CUL9: variants seen among roughly 807,000 people sequenced by gnomAD.
The protein encoded by CUL9 is cullin 9.
Under a neutral mutation model 272.6 loss-of-function variants are expected in CUL9, and 79 were observed. The observed-to-expected ratio is 0.29, with a 90% CI of 0.24 to 0.35. CUL9 has a LOEUF of 0.35. CUL9 is among the 10% of genes least tolerant of loss of function. CUL9 has a pLI of 1.00. For missense variants in CUL9, 2,532 were observed against 3,255.6 expected (o/e 0.78, Z 5.41); for synonymous variants, 1,186 against 1,286.5 (o/e 0.92, Z 1.67).
chr6:43,196,719 A>G lies in CUL9; in HGVS notation c.2660A>G (p.Gln887Arg). The G allele has an allele frequency of 6.2e-7, 1 of 1,614,216 alleles. No homozygotes were observed. The highest frequency in any genetic ancestry group is 8.5e-7 in the Non-Finnish European group (1 of 1,180,028). ...LLCNHHTLGD[Q>R]IITQELRDTL... ...TGCAACCACCACACTCTGGGAGACC[A>G]GATTATAACCCAAGAGCTGAGAGAC... is the stretch of plus-strand genomic sequence containing the variant. The change falls in exon 11 of 41, where the codon CAG (glutamine) becomes CGG (arginine). Residue 887 changes from glutamine (Q) to arginine (R), a missense_variant. Physicochemically the swap from Gln to Arg is conservative, Grantham distance 43 (BLOSUM62 1). Transcript: ENST00000252050.
At chr6:43,192,936 C>T in intron 8 of CUL9, 65 bp from the exon 9 acceptor site, 2 of 1,448,104 alleles carry the variant, frequency 1.4e-6, no homozygotes, top group South Asian at 1.2e-5. Context: ...TCCGACGGTG[C>T]CATGGCTGGG....
At chr6:43,215,424 T>A in intron 30 of CUL9, 98 bp downstream of exon 30, 4 of 1,465,064 alleles carry the variant, frequency 2.7e-6, no homozygotes, top group Non-Finnish European at 3.6e-6. Context: ...TTTCTTTGTC[T>A]GATCCCCTTT....
In CUL9 at chr6:43,221,824, G is replaced by A; in HGVS notation, c.6846+46G>A. ...GGAGGGCAGAGGCCCAGAGCCGTCG[G>A]GGAGGGGTGCTGCTACCAGGTCCTG... On this transcript the variant is annotated intron_variant, in intron 35 of 40. Transcript: ENST00000252050. The surrounding 1 kb of genome is among the most constrained non-coding windows in gnomAD (Gnocchi z 4.2). 6.5e-7 allele frequency: 1 copy of A among 1,544,932 alleles called. No homozygotes were observed. The highest frequency in any genetic ancestry group is 1.1e-5 in the South Asian group (1 of 88,880).
chr6:43,212,323 C>T (rs1775577488), intron 26 of CUL9, among the ~76,000 whole-genome samples: 1 of 152,194 alleles, frequency 6.6e-6, no homozygotes. Flanking sequence ...ATCAGCTTTT[C>T]ACCAGGCAGG....
chr6:43,224,071 C>T lies in CUL9; in HGVS notation c.7285-24C>T, dbSNP rs766137378. ...GGCCCCATGCCCTCTACCTCCTTCT[C>T]AAATCCTTCTGTCTGCTCACCAGGA... On this transcript the variant is annotated intron_variant, in intron 39 of 40. Transcript: ENST00000252050. The surrounding 1 kb of genome is among the most constrained non-coding windows in gnomAD (Gnocchi z 4.2). The T allele has an allele frequency of 6.8e-6, 11 of 1,612,990 alleles. No individual in the cohort carries two copies. In the East Asian group the frequency reaches 2.2e-4, roughly 33 times the overall value.
chr6:43,205,445 T>C, intron 24 of CUL9, 22 bp downstream of exon 24: 18 of 1,607,078 alleles, frequency 1.1e-5, no homozygotes, highest in African/African-American at 2.7e-5. Flanking sequence ...TCTGGAGGCA[T>C]AGGGGATGGG....
chr6:43,188,011 A>G lies in CUL9; in HGVS notation c.1880A>G (p.Lys627Arg). The G allele has an allele frequency of 6.2e-7, 1 of 1,613,932 alleles. No homozygotes were observed. Among genetic ancestry groups the G allele is most frequent in the African/African-American group, 1.3e-5 (1 of 75,016 alleles). The change falls in exon 7 of 41, where the codon AAG becomes AGG. Residue 627 changes from lysine to arginine, a missense_variant. Coordinates refer to ENST00000252050, the MANE Select transcript of CUL9 (RefSeq NM_015089.4). ...CCTAAGACAGAGGCCGAGCCCACCA[A>G]GACAAGGACCGAGACCCCCATGGCA... ...EAPKTEAEPT[K>R]TRTETPMAQS...
chr6:43,196,873 G>A lies in CUL9; in HGVS notation c.2803+11G>A, dbSNP rs1296241524. 3.1e-6 allele frequency: 5 copies of A among 1,611,284 alleles called. No homozygotes were observed. The highest frequency in any genetic ancestry group is 1.3e-5 in the African/African-American group (1 of 74,986). ...GCCCTGAGCGTGCAGGTACCATTGT[G>A]GAGGGGTGGTTTTGCAGAGGAATCA... On this transcript the variant is annotated intron_variant, in intron 11 of 40. Transcript: ENST00000252050.
chr6:43,190,184 A>T (rs1373413594), intron 8 of CUL9, among the ~76,000 whole-genome samples: 1 of 152,038 alleles, frequency 6.6e-6, no homozygotes, highest in Admixed American at 6.6e-5. Context: ...GCCAACACTG[A>T]ATATTGTCGT....
At chr6:43,205,149 C>T (rs779551874) in intron 23 of CUL9, 34 bp downstream of exon 23, 4 of 1,574,152 alleles carry the variant, frequency 2.5e-6, no homozygotes, top group Admixed American at 3.5e-5. Context: ...GGGCTATAAG[C>T]TTGTGTTCCA....
Position 43,220,349 on chromosome 6 carries a change from C to T in CUL9, c.6283-110C>T, listed in dbSNP as rs1312290436. The T allele has an allele frequency of 7.8e-6, 10 of 1,287,470 alleles. No homozygotes were observed. Among genetic ancestry groups the T allele is most frequent in the Admixed American group, 4.0e-5 (2 of 50,498 alleles). The allele number at this position is 1,287,470 out of a possible 1,614,324, so 79.8% of individuals were successfully genotyped here. A position where few individuals can be genotyped will look rare whatever the true frequency, so the allele number is the denominator to read the frequency against. ...AGGCAGGCTTGTTTCTGGCCTTCCA[C>T]GTTGTAGTGGAGGGGAAGGGAAGGA... On this transcript the variant is annotated intron_variant, in intron 31 of 40. Coordinates refer to ENST00000252050, the MANE Select transcript of CUL9 (RefSeq NM_015089.4). The surrounding 1 kb of genome is among the most constrained non-coding windows in gnomAD (Gnocchi z 4.9).
At chr6:43,193,510 A>G (rs761036092) in intron 9 of CUL9, among the ~76,000 whole-genome samples, 4 of 152,168 alleles carry the variant, frequency 2.6e-5, no homozygotes, top group Non-Finnish European at 5.9e-5. Context: ...CTGAGATTAC[A>G]GGCATAAGCC....
chr6:43,213,824 A>C lies in CUL9; in HGVS notation c.5600A>C (p.Gln1867Pro), dbSNP rs772967810. The C allele has an allele frequency of 6.2e-7, 1 of 1,614,114 alleles. No homozygotes were observed. Among genetic ancestry groups the C allele is most frequent in the East Asian group, 2.2e-5 (1 of 44,900 alleles). Residue 1867 changes from glutamine (Q) to proline (P), a missense_variant, in exon 29 of 41, where the codon CAG becomes CCG. Physicochemically the swap from Gln to Pro is moderately conservative, Grantham distance 76. Around this residue, in one of 3 missense-constraint regions of CUL9, gnomAD observed 2,218 missense variants for 2,788.6 expected, o/e 0.80. Coordinates refer to ENST00000252050, the MANE Select transcript of CUL9 (RefSeq NM_015089.4). This position sits in a 1 kb window ranked among gnomAD's most constrained non-coding sequence, Gnocchi z 5.7. ...VEKDEGRTLE[Q>P]KRNLLSCLLV... is the part of the protein sequence containing the mutation. Reference sequence around the variant, plus strand: ...AAGGATGAAGGCCGAACCCTGGAACAGAAGAGGAATCTCTTGAGCTGTCTT... The same window carrying C: ...AAGGATGAAGGCCGAACCCTGGAACCGAAGAGGAATCTCTTGAGCTGTCTT...
intron 31 of CUL9, among the ~76,000 whole-genome samples, chr6:43,219,036 A>G (rs1229585891): frequency 2.0e-5 from 3 of 152,092 alleles, no homozygotes; most frequent in Non-Finnish European, 2.9e-5. Context: ...AATAGAAAAA[A>G]ACTTTACCCA....
chr6:43,219,940 G>C (rs558383394), intron 31 of CUL9, among the ~76,000 whole-genome samples: 1 of 152,218 alleles, frequency 6.6e-6, no homozygotes, highest in East Asian at 1.9e-4. Context: ...AGTTGATCAG[G>C]GTTTGGGGGA....
rs74635010 is a variant in CUL9 at position 43,199,911 on chromosome 6, A to G, written c.3157-18A>G. The G allele has an allele frequency of 3.6e-3, 5,733 of 1,591,534 alleles. 11 individuals are homozygous for G. The highest frequency in any genetic ancestry group is 4.5e-3 in the Non-Finnish European group (5,189 of 1,159,812). On this transcript the variant is annotated intron_variant, in intron 13 of 40. Coordinates refer to ENST00000252050, the MANE Select transcript of CUL9 (RefSeq NM_015089.4). This position sits in a 1 kb window ranked among gnomAD's most constrained non-coding sequence, Gnocchi z 4.4. Reference sequence around the variant, plus strand: ...CCTCTTGTTTCCTGTAAATTAATCTATGTGGCTCTGGGCTCAGATTGTTCA... The same window carrying G: ...CCTCTTGTTTCCTGTAAATTAATCTGTGTGGCTCTGGGCTCAGATTGTTCA...
intron 8 of CUL9, among the ~76,000 whole-genome samples, chr6:43,190,373 A>G (rs1180190640): frequency 6.7e-6 from 1 of 150,078 alleles, no homozygotes; most frequent in Admixed American, 6.6e-5. Flanking sequence ...TTTTTAATGT[A>G]TTTATAGGCA....
Position 43,184,557 on chromosome 6 carries a change from C to G in CUL9, c.247C>G (p.Arg83Gly), listed in dbSNP as rs532403631. The G allele has an allele frequency of 6.2e-7, 1 of 1,613,088 alleles. No homozygotes were observed. The highest frequency in any genetic ancestry group is 1.1e-5 in the South Asian group (1 of 91,012). Residue 83 changes from arginine (R) to glycine (G), a missense_variant, in exon 2 of 41, where the codon CGG becomes GGG. Transcript: ENST00000252050. The surrounding 1 kb of genome is among the most constrained non-coding windows in gnomAD (Gnocchi z 4.8). ...CAACTGCCCTGGGCTGTTAGGTGAG[C>G]GGGCACTATCTAAGGGACTTCAGCA... is the stretch of plus-strand genomic sequence containing the variant. ...YANCPGLLGE[R>G]ALSKGLQHEP...
chr6:43,204,335 C>G (rs372359223), intron 20 of CUL9, 25 bp from the exon 21 acceptor site: 3 of 1,610,148 alleles, frequency 1.9e-6, no homozygotes, highest in Non-Finnish European at 2.5e-6. Flanking sequence ...CCATGGAGAC[C>G]TGTTCCTGAC....
Sources: allele counts gnomAD v4.1 joint callset (sites outside exome capture counted in the v4.1 genomes callset), GRCh38; gene constraint gnomAD v4.1.1; regional missense constraint gnomAD v4.1.1; non-coding constraint Gnocchi (gnomAD v3.1); transcripts MANE v1.5; gene names NCBI Gene and HGNC (gene_info 2026-07-23, HGNC 2026-07-21).